The following LRBA variants were observed in gnomAD, a reference collection of about 807,000 sequenced individuals.
The protein encoded by LRBA is lipopolysaccharide-responsive and beige-like anchor protein.
In LRBA, 176 loss-of-function variants were observed where a neutral mutation model predicts 330.0. The ratio of observed to expected loss-of-function variants is 0.53; its 90% confidence interval spans 0.47 to 0.60. The LOEUF is 0.60. LRBA is among the 20% of genes least tolerant of loss of function. LRBA has a pLI of 0.00. For synonymous variants in LRBA, 1,230 were observed against 1,193.0 expected (o/e 1.03, Z -0.64); for missense variants, 3,259 against 3,444.8 (o/e 0.95, Z 1.35).
rs1451154403 is a variant in LRBA, at chr4:150,310,390, A to G, written c.7694-6T>C. On this transcript the variant is annotated splice_polypyrimidine_tract_variant and splice_region_variant and intron_variant, in intron 51 of 56. Coordinates refer to ENST00000651943, the MANE Select transcript of LRBA (RefSeq NM_001364905.1). ...GTGCATTCCTGTATTGCTGGCTGTAAGAATAGGGAGGAAAAACAACTATTA... is the reference window on the plus strand; with the variant it reads ...GTGCATTCCTGTATTGCTGGCTGTAGGAATAGGGAGGAAAAACAACTATTA... The G allele has an allele frequency of 6.2e-7, 1 of 1,609,472 alleles. No homozygotes were observed. The highest frequency in any genetic ancestry group is 1.7e-5 in the Admixed American group (1 of 59,776).
chr4:150,441,115 AATG>A (rs1371299040), intron 44 of LRBA, among the ~76,000 whole-genome samples: 1 of 152,008 alleles, frequency 6.6e-6, no homozygotes, highest in African/African-American at 2.4e-5. Flanking sequence ...ACATAATAAT[AATG>A]ATAATAATTA....
chr4:150,406,317 C>T (rs1054399982), intron 47 of LRBA, among the ~76,000 whole-genome samples: 1 of 151,978 alleles, frequency 6.6e-6, no homozygotes, highest in Non-Finnish European at 1.5e-5. Flanking sequence ...CTGGATTATG[C>T]TATTGGATGC....
Position 151,000,476 on chromosome 4 carries a change from G to A in LRBA, c.216+13951C>T, listed in dbSNP as rs138314663. Among the ~76,000 whole-genome samples the A allele has an allele frequency of 1.3e-3, 202 of 152,116 alleles. 1 individual carries two copies. Among genetic ancestry groups the A allele is most frequent in the African/African-American group, 4.5e-3 (188 of 41,480 alleles). On this transcript the variant is annotated intron_variant, in intron 2 of 56. Transcript: ENST00000651943. ...TTGCCAACATCACTACTCTTGTCCC[G>A]AACATTATTAAGTAAAATAAGGGTT...
intron 42 of LRBA, among the ~76,000 whole-genome samples, chr4:150,479,700 G>A (rs1200988406): frequency 6.6e-6 from 1 of 152,160 alleles, no homozygotes; most frequent in Admixed American, 6.5e-5. Flanking sequence ...AAATGATGGT[G>A]TATAACTATC....
At chr4:150,951,587 T>C (rs546160432) in intron 2 of LRBA, among the ~76,000 whole-genome samples, 8 of 152,240 alleles carry the variant, frequency 5.3e-5, no homozygotes, top group South Asian at 2.1e-4. Flanking sequence ...GGAAACACAA[T>C]AGATAATAAG....
intron 2 of LRBA, among the ~76,000 whole-genome samples, chr4:150,976,822 C>T (rs1209759): frequency 0.97 from 146,937 of 152,236 alleles, 71,128 homozygotes; most frequent in Non-Finnish European, 1. Flanking sequence ...GAGAGTGCAG[C>T]GACTGTGGGA....
intron 43 of LRBA, among the ~76,000 whole-genome samples, chr4:150,468,863 TC>T (rs1381999473): frequency 1.3e-5 from 2 of 152,146 alleles, no homozygotes; most frequent in African/African-American, 4.8e-5. Context: ...ACTCTATTCA[TC>T]TTAGGCTTGA....
At chr4:150,622,688 C>CTTTTTTT (rs10528461) in intron 37 of LRBA, among the ~76,000 whole-genome samples, 59 of 105,634 alleles carry the variant, frequency 5.6e-4, no homozygotes, top group African/African-American at 1.7e-3. Flanking sequence ...CTAAATCAAT[C>CTTTTTTT]TTTTTTTTTT....
At position 150,619,152 on chromosome 4, in the gene LRBA, T is replaced by C. The variant is rs965956366; in HGVS notation, c.5922-20021A>G. 4.6e-5 allele frequency among the ~76,000 whole-genome samples: 7 copies of C among 152,296 alleles called. No homozygotes were observed. The South Asian group carries it at 1.0e-3, about 23-fold the overall frequency. On this transcript the variant is annotated intron_variant, in intron 37 of 56. Coordinates refer to ENST00000651943, the MANE Select transcript of LRBA (RefSeq NM_001364905.1). ...GAGAGGTACATGTTTAAATACCTTA[T>C]GGTTTCATTTTACACTTCTCATATC... is the stretch of plus-strand genomic sequence containing the variant.
chr4:150,820,037 C>G (rs1441087260), intron 30 of LRBA, among the ~76,000 whole-genome samples: 2 of 152,002 alleles, frequency 1.3e-5, no homozygotes, highest in Non-Finnish European at 2.9e-5. Context: ...AAGATGCTTT[C>G]TTCTTAATCC....
chr4:150,321,060 A>T lies in LRBA; in HGVS notation c.7630+131T>A. On this transcript the variant is annotated intron_variant, in intron 50 of 56. Coordinates refer to ENST00000651943, the MANE Select transcript of LRBA (RefSeq NM_001364905.1). This position sits in a 1 kb window ranked among gnomAD's most constrained non-coding sequence, Gnocchi z 4.5. ...CGTGGGCCTTTTTTAAGCCTTTCAA[A>T]CTATTAAACAATTTGATTCAGACTA... 1.2e-6 allele frequency: 1 copy of T among 857,526 alleles called. No individual in the cohort carries two copies. Among genetic ancestry groups the T allele is most frequent in the Non-Finnish European group, 1.8e-6 (1 of 570,998 alleles). 53.1% of individuals were successfully genotyped at this position (857,526 alleles called of 1,614,324 possible).
intron 36 of LRBA, among the ~76,000 whole-genome samples, chr4:150,722,648 C>A (rs989491686): frequency 6.6e-6 from 1 of 151,850 alleles, no homozygotes; most frequent in Admixed American, 6.6e-5. Context: ...GGGCAGAGCA[C>A]GATGGCAGAA....
rs139168366 is a variant in LRBA, at chr4:150,540,883, T to C, written c.6330+47165A>G. On this transcript the variant is annotated intron_variant, in intron 40 of 56. Coordinates refer to ENST00000651943, the MANE Select transcript of LRBA (RefSeq NM_001364905.1). Reference sequence around the variant, plus strand: ...TGCTGTAAATTTTTAACCATATAGATGCACCATTAAACAGCAAAACTTTTC... The same window carrying C: ...TGCTGTAAATTTTTAACCATATAGACGCACCATTAAACAGCAAAACTTTTC... Among the ~76,000 whole-genome samples, 21 of 152,296 alleles carry C rather than the reference T, an allele frequency of 1.4e-4. 1 individual carries two copies. The East Asian group carries it at 4.0e-3, about 29-fold the overall frequency.
intron 40 of LRBA, among the ~76,000 whole-genome samples, chr4:150,565,636 A>T (rs77991214): frequency 0.027 from 4,099 of 152,214 alleles, 176 homozygotes; most frequent in African/African-American, 0.093. Context: ...TCTCCTGGCA[A>T]TTTCAGCTGA....
intron 2 of LRBA, among the ~76,000 whole-genome samples, chr4:150,947,387 T>A (rs569349064): frequency 6.6e-6 from 1 of 152,130 alleles, no homozygotes; most frequent in African/African-American, 2.4e-5. Flanking sequence ...TATTTAAAAA[T>A]CAATTAATGT....
rs1339775766 is a variant in LRBA at position 150,928,571 on chromosome 4, G to C, written c.494C>G (p.Thr165Arg). ...MLGVLASYNLTVRELKLFFSK... is the reference protein window; with the variant it reads ...MLGVLASYNLRVRELKLFFSK... ...GAAGAAAAGCTTTAGCTCGCGAACT[G>C]TCAAATTATAGCTAGCCAGCACTCC... Residue 165 changes from threonine (T) to arginine (R), a missense_variant, in exon 4 of 57, where the codon ACA becomes AGA. Coordinates refer to ENST00000651943, the MANE Select transcript of LRBA (RefSeq NM_001364905.1). 6.2e-7 allele frequency: 1 copy of C among 1,613,828 alleles called. No homozygotes were observed.
chr4:150,488,964 TTATATATAAGAATATATAACATATAA>T (rs1454211042), intron 41 of LRBA, among the ~76,000 whole-genome samples: 2 of 131,154 alleles, frequency 1.5e-5, no homozygotes. Flanking sequence ...ATATAATATA[TTATATATAAGAATATATAACATATAA>T]TATATATAAG....
intron 27 of LRBA, 65 bp downstream of exon 27, chr4:150,844,592 CA>C: frequency 7.1e-7 from 1 of 1,414,480 alleles, no homozygotes. Context: ...TTGAAATGAA[CA>C]AATAAAAATC....
At chr4:150,511,970 G>A (rs1042233818) in intron 40 of LRBA, among the ~76,000 whole-genome samples, 3 of 152,126 alleles carry the variant, frequency 2.0e-5, no homozygotes, top group Non-Finnish European at 2.9e-5. Flanking sequence ...AATTGTAAAT[G>A]TCTCCCTCAC....
Sources: gnomAD v4.1 joint callset for allele counts (sites outside exome capture counted in the v4.1 genomes callset) on GRCh38, gnomAD v4.1.1 for gene constraint, Gnocchi (gnomAD v3.1) non-coding constraint, MANE v1.5 for transcripts, NCBI Gene and HGNC (gene_info 2026-07-23, HGNC 2026-07-21) for gene names.